Variants in DENND5B observed in about 807,000 individuals in gnomAD.
The protein encoded by DENND5B is DENN domain-containing protein 5B.
A neutral mutation model predicts 140.6 loss-of-function variants in DENND5B; 34 were observed. The observed-to-expected ratio is 0.24, with a 90% CI of 0.18 to 0.32. The LOEUF (loss-of-function observed/expected upper bound fraction) is 0.32. Among genes scored for constraint, DENND5B ranks in the 10% least tolerant of loss-of-function variants. The probability of loss-of-function intolerance (pLI) is 1.00; values close to 1 mark genes in which losing one functional copy is unlikely to be tolerated. For missense variants in DENND5B, 1,142 were observed against 1,560.2 expected (o/e 0.73, Z 4.52); for synonymous variants, 551 against 562.1 (o/e 0.98, Z 0.28).
intron 6 of DENND5B, among the ~76,000 whole-genome samples, chr12:31,446,198 G>A (rs1383778646): frequency 6.6e-6 from 1 of 151,992 alleles, no homozygotes; most frequent in Non-Finnish European, 1.5e-5. Flanking sequence ...GCCCAGGCGG[G>A]AGTGCAGTGG....
At chr12:31,469,023 A>G (rs1188403494) in intron 3 of DENND5B, among the ~76,000 whole-genome samples, 1 of 152,106 alleles carries the variant, frequency 6.6e-6, no homozygotes, top group Non-Finnish European at 1.5e-5. Context: ...ATAGCAAGGA[A>G]CAAAAATTTA....
At chr12:31,579,515 G>A (rs1473433426) in intron 1 of DENND5B, among the ~76,000 whole-genome samples, 2 of 152,074 alleles carry the variant, frequency 1.3e-5, no homozygotes, top group African/African-American at 4.8e-5. Context: ...ACAAAAATGA[G>A]CCAGGCTTGG....
chr12:31,524,381 G>A (rs970714928), intron 1 of DENND5B, among the ~76,000 whole-genome samples: 8 of 152,142 alleles, frequency 5.3e-5, no homozygotes, highest in African/African-American at 1.9e-4. Context: ...GGACGGGCAC[G>A]GTGGCTCACA....
chr12:31,429,034 C>T (rs961460740), intron 8 of DENND5B, among the ~76,000 whole-genome samples: 5 of 149,964 alleles, frequency 3.3e-5, no homozygotes, highest in Non-Finnish European at 7.4e-5. Flanking sequence ...CCCGGCCACG[C>T]CCGGCTAATT....
chr12:31,540,569 G>A (rs577651420), intron 1 of DENND5B, among the ~76,000 whole-genome samples: 1 of 151,846 alleles, frequency 6.6e-6, no homozygotes, highest in Non-Finnish European at 1.5e-5. Context: ...CACAAGAATC[G>A]CTTGAACCTG....
At chr12:31,439,548 C>A (rs1363674747) in intron 7 of DENND5B, among the ~76,000 whole-genome samples, 1 of 151,802 alleles carries the variant, frequency 6.6e-6, no homozygotes, top group Non-Finnish European at 1.5e-5. Context: ...CATTAATAAA[C>A]TCGTGGTGAC....
chr12:31,442,038 T>C (rs959059000), intron 7 of DENND5B, among the ~76,000 whole-genome samples: 24 of 152,222 alleles, frequency 1.6e-4, no homozygotes, highest in Non-Finnish European at 2.8e-4. Flanking sequence ...AAAAGGATAC[T>C]AAAACTAAAA....
intron 1 of DENND5B, among the ~76,000 whole-genome samples, chr12:31,505,443 G>A (rs1036257952): frequency 2.6e-5 from 4 of 151,906 alleles, no homozygotes; most frequent in African/African-American, 9.7e-5. Flanking sequence ...CATTATTTTG[G>A]CCAGGCTGGT....
In DENND5B at chr12:31,383,425, G is replaced by A. The variant is rs1012250803; in HGVS notation, c.*4178C>T. On this transcript the variant is annotated 3_prime_UTR_variant, in exon 21 of 21. Coordinates refer to ENST00000389082, the MANE Select transcript of DENND5B (RefSeq NM_144973.4). ...GCTTTATTGCCAAAAAAGGAAATAT[G>A]AGCAGTTCAGTATTTCCCCCATATC... 6.6e-6 allele frequency: 1 copy of A among 152,106 alleles called. No individual in the cohort carries two copies. Among genetic ancestry groups the A allele is most frequent in the African/African-American group, 2.4e-5 (1 of 41,404 alleles). The allele number at this position is 152,106 out of a possible 1,614,324, so 9.4% of individuals were successfully genotyped here.
chr12:31,428,465 A>G (rs565279623), intron 8 of DENND5B, among the ~76,000 whole-genome samples: 3 of 151,978 alleles, frequency 2.0e-5, no homozygotes, highest in African/African-American at 4.8e-5. Context: ...GCAGTGGTGC[A>G]ATCTCAACTA....
intron 1 of DENND5B, among the ~76,000 whole-genome samples, chr12:31,505,063 C>T (rs997149088): frequency 2.6e-5 from 4 of 152,152 alleles, no homozygotes; most frequent in Admixed American, 2.6e-4. Context: ...GTTGTTATTA[C>T]AGCAGTTAGC....
Position 31,383,907 on chromosome 12 carries a change from C to G in DENND5B, c.*3696G>C, listed in dbSNP as rs947885484. The G allele has an allele frequency of 1.3e-5, 2 of 152,100 alleles. No homozygotes were observed. Among genetic ancestry groups the G allele is most frequent in the Non-Finnish European group, 2.9e-5 (2 of 68,038 alleles). 9.4% of individuals were successfully genotyped at this position (152,100 alleles called of 1,614,324 possible). A position where few individuals can be genotyped will look rare whatever the true frequency, so the allele number is the denominator to read the frequency against. On this transcript the variant is annotated 3_prime_UTR_variant, in exon 21 of 21. Transcript: ENST00000389082. ...AATTTTAAAACAACTTCTTCACCAG[C>G]TATTACTATGCAAAAATAATCATTA...
intron 1 of DENND5B, among the ~76,000 whole-genome samples, chr12:31,582,671 T>C (rs1403725622): frequency 6.6e-6 from 1 of 152,218 alleles, no homozygotes; most frequent in Non-Finnish European, 1.5e-5. Context: ...GAGAAATTAC[T>C]AGTGCTGACC....
intron 19 of DENND5B, among the ~76,000 whole-genome samples, chr12:31,391,195 C>T (rs555452639): frequency 1.3e-5 from 2 of 152,290 alleles, no homozygotes; most frequent in South Asian, 2.1e-4. Flanking sequence ...TCTTGCTGTG[C>T]TCCAGTCACA....
intron 4 of DENND5B, among the ~76,000 whole-genome samples, chr12:31,459,685 A>C (rs1037353290): frequency 6.6e-6 from 1 of 152,214 alleles, no homozygotes; most frequent in African/African-American, 2.4e-5. Flanking sequence ...CTCAACCACC[A>C]AGCCAAGCTG....
At chr12:31,504,939 A>C (rs1947136066) in intron 1 of DENND5B, among the ~76,000 whole-genome samples, 1 of 152,192 alleles carries the variant, frequency 6.6e-6, no homozygotes, top group African/African-American at 2.4e-5. Flanking sequence ...AAGTGGAAGA[A>C]AGTTGAGTCA....
intron 17 of DENND5B, among the ~76,000 whole-genome samples, chr12:31,394,897 C>T (rs1026281617): frequency 2.0e-5 from 3 of 152,154 alleles, no homozygotes; most frequent in African/African-American, 7.2e-5. Flanking sequence ...CAGGCGTGAG[C>T]CACCGTGCCC....
In DENND5B at chr12:31,439,444, A is replaced by AT. The variant is rs1468751509; in HGVS notation, c.2012+3330dup. Among the ~76,000 whole-genome samples the AT allele has an allele frequency of 7.9e-5, 12 of 152,156 alleles. No homozygotes were observed. In the East Asian group the frequency reaches 1.9e-3, roughly 25 times the overall value. ...TTTCTTTCCTACTTTGTTTTTCTTC[A>AT]TAACTCTTATCATCTGACATGTTAC... On this transcript the variant is annotated intron_variant, in intron 7 of 20. Transcript: ENST00000389082.
chr12:31,558,172 C>G (rs1203369031), intron 1 of DENND5B, among the ~76,000 whole-genome samples: 2 of 152,190 alleles, frequency 1.3e-5, no homozygotes, highest in African/African-American at 2.4e-5. Context: ...ATAATGTAGA[C>G]GTGTATCAAA....
Sources: gnomAD v4.1 joint callset for allele counts (sites outside exome capture counted in the v4.1 genomes callset) on GRCh38, gnomAD v4.1.1 for gene constraint, MANE v1.5 for transcripts, NCBI Gene and HGNC (gene_info 2026-07-23, HGNC 2026-07-21) for gene names.